IFT122: variants seen among roughly 807,000 people sequenced by gnomAD.
The protein encoded by IFT122 is intraflagellar transport protein 122 homolog.
Under a neutral mutation model 161.6 loss-of-function variants are expected in IFT122, and 118 were observed. The observed-to-expected ratio is 0.73, with a 90% CI of 0.63 to 0.85. The LOEUF (loss-of-function observed/expected upper bound fraction) is 0.85, where lower values mean the gene tolerates loss of function less well. Among genes scored for constraint, IFT122 ranks in the 40% least tolerant of loss-of-function variants. The pLI is 0.00. For missense variants in IFT122, 1,381 were observed against 1,579.6 expected (o/e 0.87, Z 2.13); for synonymous variants, 550 against 602.4 (o/e 0.91, Z 1.27).
chr3:129,475,050 G>T (rs2077755478), intron 9 of IFT122, among the ~76,000 whole-genome samples: 1 of 152,128 alleles, frequency 6.6e-6, no homozygotes, highest in South Asian at 2.1e-4. Context: ...AGCTACTGGG[G>T]GTGGTGAGGG....
chr3:129,493,910 TC>T (rs1333707993), intron 17 of IFT122, among the ~76,000 whole-genome samples: 1 of 152,220 alleles, frequency 6.6e-6, no homozygotes, highest in Non-Finnish European at 1.5e-5. Context: ...TAAAGTAAAC[TC>T]CTAAGATTGT....
chr3:129,488,014 G>A, intron 15 of IFT122: 1 of 593,292 alleles, frequency 1.7e-6, no homozygotes, highest in East Asian at 2.9e-5. Flanking sequence ...TAGGTGGGAA[G>A]GAGGGGAGGA....
At chr3:129,502,486 G>A (rs1311115535) in intron 19 of IFT122, among the ~76,000 whole-genome samples, 1 of 152,168 alleles carries the variant, frequency 6.6e-6, no homozygotes, top group Non-Finnish European at 1.5e-5. Context: ...AGTGACTTCC[G>A]AGAAAGACAC....
chr3:129,516,552 AGATTG>A (rs2083707157), intron 26 of IFT122, among the ~76,000 whole-genome samples: 4 of 130,680 alleles, frequency 3.1e-5, no homozygotes, highest in Admixed American at 1.5e-4. Flanking sequence ...GCACACACAC[AGATTG>A]CTCCTGCACA....
At chr3:129,498,324 C>A (rs2081132712) in intron 18 of IFT122, among the ~76,000 whole-genome samples, 1 of 152,214 alleles carries the variant, frequency 6.6e-6, no homozygotes, top group Non-Finnish European at 1.5e-5. Context: ...TCCTAAGATG[C>A]CTGTTTTCCT....
At chr3:129,470,700 A>G (rs1264862601) in intron 9 of IFT122, among the ~76,000 whole-genome samples, 1 of 151,856 alleles carries the variant, frequency 6.6e-6, no homozygotes, top group Admixed American at 6.6e-5. Context: ...CCTCCTGGGT[A>G]GCTGGGATTA....
Position 129,507,653 on chromosome 3 carries a change from C to A in IFT122, c.2792-15C>A. On this transcript the variant is annotated splice_polypyrimidine_tract_variant and intron_variant, in intron 22 of 29. Coordinates refer to ENST00000348417, the MANE Select transcript of IFT122 (RefSeq NM_052989.3). ...TGTTTGACACGTTTCCCCTCCCACC[C>A]GCTGCACACAGCAGATCCTGCCCAG... 6.2e-7 allele frequency: 1 copy of A among 1,610,050 alleles called. No homozygotes were observed. The highest frequency in any genetic ancestry group is 1.1e-5 in the South Asian group (1 of 90,982).
chr3:129,497,699 G>C (rs2081042827), intron 18 of IFT122, among the ~76,000 whole-genome samples: 1 of 152,144 alleles, frequency 6.6e-6, no homozygotes, highest in African/African-American at 2.4e-5. Context: ...TTTAGTTTTT[G>C]ATCACTATTC....
At chr3:129,514,658 C>CT in intron 25 of IFT122, 104 bp downstream of exon 25, 1 of 1,323,480 alleles carries the variant, frequency 7.6e-7, no homozygotes. Flanking sequence ...ACAGCTGCAG[C>CT]TCCCTCTAGG....
chr3:129,455,618 A>G (rs979096268), intron 3 of IFT122, among the ~76,000 whole-genome samples: 3 of 152,168 alleles, frequency 2.0e-5, no homozygotes, highest in Admixed American at 2.0e-4. Flanking sequence ...TCTAAGCAAC[A>G]TAAGGGTTAG....
In IFT122 at chr3:129,495,525, C is replaced by T; in HGVS notation, c.2126C>T (p.Ala709Val). The change falls in exon 18 of 30, where the codon GCC becomes GTC. Residue 709 changes from alanine to valine, a missense_variant. By Grantham distance (64) the Ala-to-Val change is moderately conservative. Around this residue, in one of 7 missense-constraint regions of IFT122, gnomAD observed 496 missense variants for 502.5 expected, o/e 0.99. Transcript: ENST00000348417. ...TCCTACCAGGGGAAGTTCCATGAGG[C>T]CGCCAAACTGTACAAGAGGAGTGGG... is the stretch of plus-strand genomic sequence containing the variant. ...VFSYQGKFHE[A>V]AKLYKRSGHE... 1 of 1,614,194 alleles carries T rather than the reference C, an allele frequency of 6.2e-7. No individual in the cohort carries two copies. Among genetic ancestry groups the T allele is most frequent in the Non-Finnish European group, 8.5e-7 (1 of 1,180,042 alleles).
At chr3:129,509,925 G>T (rs2082616131) in intron 23 of IFT122, among the ~76,000 whole-genome samples, 1 of 152,210 alleles carries the variant, frequency 6.6e-6, no homozygotes, top group Non-Finnish European at 1.5e-5. Context: ...TACTTGATGG[G>T]ATTGTTTTGA....
chr3:129,458,624 T>C lies in IFT122; in HGVS notation c.219T>C (p.Ala73=), dbSNP rs771422778. The part of the protein sequence containing the change: ...KDGKRFASGS[A]DKSVIIWTSK... ...GCAAGCGCTTTGCTTCTGGATCAGCTGACAAAAGCGTTATTATCTGGACAT... is the reference window on the plus strand; with the variant it reads ...GCAAGCGCTTTGCTTCTGGATCAGCCGACAAAAGCGTTATTATCTGGACAT... Residue 73 remains alanine (A), a synonymous_variant, in exon 4 of 30, where the codon GCT becomes GCC. Coordinates refer to ENST00000348417, the MANE Select transcript of IFT122 (RefSeq NM_052989.3). 19 of 1,614,156 alleles carry C rather than the reference T, an allele frequency of 1.2e-5. No homozygotes were observed. Among genetic ancestry groups the C allele is most frequent in the Non-Finnish European group, 1.4e-5 (17 of 1,179,956 alleles).
rs1193812570 is a variant in IFT122 at position 129,478,061 on chromosome 3, G to A, written c.1193G>A (p.Arg398Lys). ...CTTGTCAAGAAGATTGCCATCTACA[G>A]AAATCGATTGGCTATCCAACTGCCA... ...KELVKKIAIY[R>K]NRLAIQLPEK... Residue 398 changes from arginine to lysine, a missense_variant, in exon 12 of 30, where the codon AGA becomes AAA. Around this residue, in one of 7 missense-constraint regions of IFT122, gnomAD observed 544 missense variants for 648.0 expected, o/e 0.84. Coordinates refer to ENST00000348417, the MANE Select transcript of IFT122 (RefSeq NM_052989.3). The A allele has an allele frequency of 6.2e-7, 1 of 1,614,050 alleles. No individual in the cohort carries two copies.
chr3:129,506,558 A>G lies in IFT122; in HGVS notation c.2791+9A>G. 1.2e-6 allele frequency: 2 copies of G among 1,614,174 alleles called. No individual in the cohort carries two copies. Among genetic ancestry groups the G allele is most frequent in the East Asian group, 4.5e-5 (2 of 44,884 alleles). ...CCTCGATATAGCTCAAGGTGTGTAA[A>G]CATCAGCCAGACCACTGTTTTCCCA... On this transcript the variant is annotated intron_variant, in intron 22 of 29. Transcript: ENST00000348417.
At chr3:129,519,256 C>T (rs987677721) in intron 28 of IFT122, 70 bp downstream of exon 28, 1 of 1,372,392 alleles carries the variant, frequency 7.3e-7, no homozygotes, top group Admixed American at 1.7e-5. Flanking sequence ...CATGGGGACC[C>T]TCAGCTAGCG....
rs764155396 is a variant in IFT122 at position 129,466,956 on chromosome 3, T to A, written c.630T>A (p.Tyr210Ter). 2.5e-6 allele frequency: 4 copies of A among 1,614,066 alleles called. No individual in the cohort carries two copies. In the East Asian group the frequency reaches 8.9e-5, roughly 36 times the overall value. The change falls in exon 8 of 30, where the codon TAT (tyrosine) becomes TAA (stop). Residue 210 changes from tyrosine (Y) to a stop codon, truncating the protein, a stop_gained. Transcript: ENST00000348417. LOFTEE classifies it high-confidence loss of function. ...EDAEDVIVNR[Y>*]IQEIPSTLKS... ...CCGAGGATGTCATTGTCAACAGATATATTCAGGAAATCCCTTCCACTCTGA... is the reference window on the plus strand; with the variant it reads ...CCGAGGATGTCATTGTCAACAGATAAATTCAGGAAATCCCTTCCACTCTGA...
intron 1 of IFT122, among the ~76,000 whole-genome samples, chr3:129,449,654 C>A (rs1353445874): frequency 6.6e-6 from 1 of 152,196 alleles, no homozygotes; most frequent in African/African-American, 2.4e-5. Context: ...AAGAGGAAAT[C>A]AGGACAAAGA....
intron 25 of IFT122, chr3:129,514,828 G>T: frequency 1.8e-6 from 1 of 554,468 alleles, no homozygotes; most frequent in Non-Finnish European, 3.3e-6. Context: ...CCCTAGGCAA[G>T]CCCCACACCT....
Sources: gnomAD v4.1 joint callset for allele counts (sites outside exome capture counted in the v4.1 genomes callset) on GRCh38, gnomAD v4.1.1 for gene constraint, gnomAD v4.1.1 regional missense constraint, MANE v1.5 for transcripts, NCBI Gene and HGNC (gene_info 2026-07-23, HGNC 2026-07-21) for gene names.